NLGN1: variants seen among roughly 807,000 people sequenced by gnomAD.
NLGN1 encodes neuroligin 1.
A neutral mutation model predicts 65.5 loss-of-function variants in NLGN1; 12 were observed. That is an observed-to-expected ratio of 0.18 (90% CI 0.12 to 0.30). The LOEUF (loss-of-function observed/expected upper bound fraction) is 0.30, where lower values mean the gene tolerates loss of function less well. Among genes scored for constraint, NLGN1 ranks in the 10% least tolerant of loss-of-function variants. The probability of loss-of-function intolerance (pLI) is 1.00; values close to 1 mark genes in which losing one functional copy is unlikely to be tolerated. For missense variants in NLGN1, 750 were observed against 1,007.1 expected, an observed-to-expected ratio of 0.74 and a Z score of 3.46; for synonymous variants, 350 against 359.5, an observed-to-expected ratio of 0.97 and a Z score of 0.30.
rs1765463336 is a variant in NLGN1 at position 173,691,534 on chromosome 3, C to A, written c.493+86443C>A. On this transcript the variant is annotated intron_variant, in intron 3 of 6. Coordinates refer to ENST00000457714, the Ensembl canonical transcript of NLGN1. Reference sequence around the variant, plus strand: ...GTTTTTGTGTACTCCATTTAGCATTCATCTAGGTTCATGTGTGTTTAATAC... The same window carrying A: ...GTTTTTGTGTACTCCATTTAGCATTAATCTAGGTTCATGTGTGTTTAATAC... Among the ~76,000 whole-genome samples the A allele has an allele frequency of 4.6e-5, 7 of 152,178 alleles. 1 individual carries two copies. In the South Asian group the frequency reaches 1.5e-3, roughly 32 times the overall value.
intron 4 of NLGN1, among the ~76,000 whole-genome samples, chr3:174,187,122 G>A (rs1561245444): frequency 6.6e-6 from 1 of 151,516 alleles, no homozygotes; most frequent in Admixed American, 6.6e-5. Context: ...TTTTATTGTT[G>A]TATTATTATT....
intron 4 of NLGN1, among the ~76,000 whole-genome samples, chr3:173,995,100 G>A (rs1481106208): frequency 6.6e-6 from 1 of 152,136 alleles, no homozygotes; most frequent in Non-Finnish European, 1.5e-5. Context: ...CTGCTAGCCC[G>A]AGGTTTGCAA....
At chr3:174,265,450 C>T (rs926082298) in intron 4 of NLGN1, among the ~76,000 whole-genome samples, 3 of 152,192 alleles carry the variant, frequency 2.0e-5, no homozygotes, top group African/African-American at 4.8e-5. Flanking sequence ...TTTCCAGGTG[C>T]GTCCGTCACC....
chr3:173,506,315 G>A (rs948880942), intron 2 of NLGN1, among the ~76,000 whole-genome samples: 8 of 151,960 alleles, frequency 5.3e-5, no homozygotes, highest in African/African-American at 1.7e-4. Flanking sequence ...ACGAAATGAG[G>A]TTGAATAAAA....
chr3:173,782,817 G>A (rs1423011465), intron 3 of NLGN1, among the ~76,000 whole-genome samples: 3 of 147,666 alleles, frequency 2.0e-5, no homozygotes, highest in Non-Finnish European at 3.0e-5. Context: ...CCTACCCCCC[G>A]CTCCCAGCTT....
chr3:173,656,800 C>A (rs931473448), intron 3 of NLGN1, among the ~76,000 whole-genome samples: 1 of 151,916 alleles, frequency 6.6e-6, no homozygotes, highest in African/African-American at 2.4e-5. Context: ...CCAAAGAGGG[C>A]AAATTACTTT....
intron 4 of NLGN1, among the ~76,000 whole-genome samples, chr3:174,127,705 T>TAACA (rs1719254371): frequency 6.6e-6 from 1 of 152,092 alleles, no homozygotes; most frequent in Non-Finnish European, 1.5e-5. Flanking sequence ...TTGAGTTGAG[T>TAACA]GTAATAACAG....
chr3:173,422,146 T>TACACAC (rs1553846239), intron 1 of NLGN1, among the ~76,000 whole-genome samples: 33 of 130,316 alleles, frequency 2.5e-4, no homozygotes, highest in African/African-American at 9.0e-4. Context: ...ACACTATATA[T>TACACAC]ACACACACAC....
chr3:174,099,027 A>C (rs1296361210), intron 4 of NLGN1, among the ~76,000 whole-genome samples: 1 of 152,228 alleles, frequency 6.6e-6, no homozygotes. Context: ...CCCTGCTGTG[A>C]AATTCTCATA....
intron 2 of NLGN1, among the ~76,000 whole-genome samples, chr3:173,441,977 A>G (rs1001406009): frequency 8.5e-5 from 13 of 152,174 alleles, no homozygotes; most frequent in African/African-American, 2.9e-4. Context: ...ATATTTTGAA[A>G]TGAACCTGAA....
At chr3:173,557,359 C>T (rs1741884602) in intron 2 of NLGN1, among the ~76,000 whole-genome samples, 1 of 151,996 alleles carries the variant, frequency 6.6e-6, no homozygotes, top group Non-Finnish European at 1.5e-5. Context: ...TGAAGTGTGT[C>T]TCTTATGCAC....
At chr3:173,791,305 A>G (rs1373937033) in intron 3 of NLGN1, among the ~76,000 whole-genome samples, 1 of 152,168 alleles carries the variant, frequency 6.6e-6, no homozygotes, top group African/African-American at 2.4e-5. Flanking sequence ...ATTGGCCTAT[A>G]TGACTATCCA....
chr3:174,136,056 C>CT (rs961559664), intron 4 of NLGN1, among the ~76,000 whole-genome samples: 3 of 152,044 alleles, frequency 2.0e-5, no homozygotes, highest in African/African-American at 7.2e-5. Flanking sequence ...GCCATGCATG[C>CT]TTGTGGAGGG....
At chr3:174,077,204 T>G (rs373143180) in intron 4 of NLGN1, among the ~76,000 whole-genome samples, 18 of 152,190 alleles carry the variant, frequency 1.2e-4, no homozygotes, top group African/African-American at 4.1e-4. Flanking sequence ...AAAAAACCTA[T>G]TCCCACTTTT....
At position 173,800,279 on chromosome 3, in the gene NLGN1, G is replaced by A. The variant is rs566028133; in HGVS notation, c.494-7401G>A. 3.1e-5 allele frequency: 31 copies of A among 1,015,540 alleles called. No individual in the cohort carries two copies. In the South Asian group the frequency reaches 3.5e-4, roughly 11 times the overall value. 62.9% of individuals were successfully genotyped at this position (1,015,540 alleles called of 1,614,324 possible). On this transcript the variant is annotated intron_variant, in intron 3 of 6. Coordinates refer to ENST00000457714, the Ensembl canonical transcript of NLGN1. ...TTTTTTTTTTTTCCTCCATTTCTCC[G>A]TTCTCAATCCTAGGTCCCCTTACAA...
chr3:173,674,694 A>G (rs1055221362), intron 3 of NLGN1, among the ~76,000 whole-genome samples: 2 of 152,146 alleles, frequency 1.3e-5, no homozygotes, highest in African/African-American at 4.8e-5. Flanking sequence ...AAGGCTATTA[A>G]TTATTACGGT....
chr3:174,086,985 CT>C (rs1743544625), intron 4 of NLGN1, among the ~76,000 whole-genome samples: 1 of 152,120 alleles, frequency 6.6e-6, no homozygotes, highest in African/African-American at 2.4e-5. Context: ...AAACGTGGAG[CT>C]GGAGGCCATT....
intron 4 of NLGN1, among the ~76,000 whole-genome samples, chr3:174,101,233 A>G (rs772724874): frequency 6.6e-6 from 1 of 152,184 alleles, no homozygotes; most frequent in East Asian, 1.9e-4. Flanking sequence ...ATGTAGGCAC[A>G]TTAAAATGTT....
intron 4 of NLGN1, among the ~76,000 whole-genome samples, chr3:174,267,561 A>T (rs1338993124): frequency 2.0e-5 from 3 of 152,160 alleles, no homozygotes; most frequent in Non-Finnish European, 4.4e-5. Flanking sequence ...ATTCTGGGAT[A>T]GCCTACTGGG....
Sources: gnomAD v4.1 joint callset for allele counts (sites outside exome capture counted in the v4.1 genomes callset) on GRCh38, gnomAD v4.1.1 for gene constraint, MANE v1.5 for transcripts, NCBI Gene and HGNC (gene_info 2026-07-23, HGNC 2026-07-21) for gene names.